The following SLC7A1 variants were observed in gnomAD, a reference collection of about 807,000 sequenced individuals.
SLC7A1 encodes the protein high affinity cationic amino acid transporter 1.
Under a neutral mutation model 53.9 loss-of-function variants are expected in SLC7A1, and 10 were observed. The ratio of observed to expected loss-of-function variants is 0.19; its 90% CI spans 0.11 to 0.31. The LOEUF (loss-of-function observed/expected upper bound fraction) is 0.31, where lower values mean the gene tolerates loss of function less well. Among genes scored for constraint, SLC7A1 ranks in the 10% least tolerant of loss-of-function variants. SLC7A1 has a pLI of 1.00. For synonymous variants in SLC7A1, 342 were observed against 338.7 expected, an observed-to-expected ratio of 1.01 and a Z score of -0.11; for missense variants, 525 against 827.2, an observed-to-expected ratio of 0.63 and a Z score of 4.48.
intron 11 of SLC7A1, chr13:29,516,766 C>G (rs1393000878): frequency 8.0e-5 from 15 of 188,184 alleles, no homozygotes; most frequent in Non-Finnish European, 4.3e-5. Flanking sequence ...TGAGCAGCAC[C>G]CTTGATACTG....
At chr13:29,526,602 C>T (rs1003498175) in intron 5 of SLC7A1, among the ~76,000 whole-genome samples, 15 of 152,210 alleles carry the variant, frequency 9.9e-5, no homozygotes, top group African/African-American at 3.1e-4. Flanking sequence ...CTGAAACCTC[C>T]ATTTCAGGGC....
chr13:29,525,469 A>G (rs1868841580), intron 5 of SLC7A1, among the ~76,000 whole-genome samples: 1 of 152,150 alleles, frequency 6.6e-6, no homozygotes, highest in Non-Finnish European at 1.5e-5. Context: ...TCCTATAAAC[A>G]CTGACATCCC....
At chr13:29,550,753 C>T (rs367572711) in intron 2 of SLC7A1, among the ~76,000 whole-genome samples, 34 of 151,260 alleles carry the variant, frequency 2.2e-4, no homozygotes, top group East Asian at 7.7e-4. Context: ...CAAGCATAGG[C>T]GCCAGCTGAG....
chr13:29,519,417 T>C lies in SLC7A1; in HGVS notation c.1292+30A>G, dbSNP rs757749162. The C allele has an allele frequency of 3.6e-5, 48 of 1,327,656 alleles. No homozygotes were observed. In the South Asian group the frequency reaches 5.6e-4, roughly 15 times the overall value. The allele number at this position is 1,327,656 out of a possible 1,614,324, so 82.2% of individuals were successfully genotyped here. ...AGGCTACCAGGTGCATCTGCATTTC[T>C]GTCATGAGACCCCCAAAAGCCATAC... On this transcript the variant is annotated intron_variant, in intron 9 of 12. Coordinates refer to ENST00000380752, the MANE Select transcript of SLC7A1 (RefSeq NM_003045.5).
intron 10 of SLC7A1, 82 bp from the exon 11 acceptor site, chr13:29,517,392 T>G: frequency 7.0e-7 from 1 of 1,431,152 alleles, no homozygotes. Context: ...TCCCCTAAAC[T>G]TGTGGAGAGA....
chr13:29,552,020 C>T (rs1346668426), intron 2 of SLC7A1, among the ~76,000 whole-genome samples: 1 of 152,158 alleles, frequency 6.6e-6, no homozygotes, highest in East Asian at 1.9e-4. Context: ...TCAAGGCAGG[C>T]TGCTCAAAGT....
intron 1 of SLC7A1, among the ~76,000 whole-genome samples, chr13:29,578,241 G>A (rs746113103): frequency 4.6e-5 from 7 of 152,048 alleles, no homozygotes; most frequent in South Asian, 4.2e-4. Flanking sequence ...ATTTCTGTCC[G>A]GAGAGCAGAT....
chr13:29,576,338 CTGCAGGTAGG>C (rs1871413469), intron 1 of SLC7A1, among the ~76,000 whole-genome samples: 1 of 140,446 alleles, frequency 7.1e-6, no homozygotes, highest in Admixed American at 6.9e-5. Flanking sequence ...TTAAAGCTTC[CTGCAGGTAGG>C]AAGAACCACA....
chr13:29,567,842 T>TG (rs930922144), intron 1 of SLC7A1, among the ~76,000 whole-genome samples: 2 of 152,018 alleles, frequency 1.3e-5, no homozygotes, highest in African/African-American at 4.8e-5. Flanking sequence ...TGGCCTCTTT[T>TG]TTTTTTGGAC....
chr13:29,550,199 C>T (rs1870108539), intron 2 of SLC7A1, among the ~76,000 whole-genome samples: 1 of 152,156 alleles, frequency 6.6e-6, no homozygotes, highest in African/African-American at 2.4e-5. Context: ...AGCCATTTAA[C>T]CCACCTCGCT....
intron 4 of SLC7A1, among the ~76,000 whole-genome samples, chr13:29,530,997 G>A (rs1020563557): frequency 6.6e-6 from 1 of 152,146 alleles, no homozygotes; most frequent in South Asian, 2.1e-4. Flanking sequence ...GAGAACTGCA[G>A]AGATCTGGAG....
chr13:29,530,748 T>G, intron 4 of SLC7A1, 36 bp from the exon 5 acceptor site: 2 of 1,586,406 alleles, frequency 1.3e-6, no homozygotes, highest in Non-Finnish European at 1.7e-6. Flanking sequence ...TTTGTCTGAG[T>G]GTTAACCACA....
chr13:29,574,211 G>C (rs562264343), intron 1 of SLC7A1, among the ~76,000 whole-genome samples: 115 of 152,330 alleles, frequency 7.5e-4, no homozygotes, highest in Admixed American at 9.8e-4. Context: ...GATGGTAAGA[G>C]TGTGACATTC....
At chr13:29,520,402 G>A (rs907124972) in intron 8 of SLC7A1, among the ~76,000 whole-genome samples, 1 of 152,176 alleles carries the variant, frequency 6.6e-6, no homozygotes, top group African/African-American at 2.4e-5. Flanking sequence ...AGGCAGGCGG[G>A]CAGGAGAGCA....
intron 1 of SLC7A1, among the ~76,000 whole-genome samples, chr13:29,555,896 C>T (rs1207370751): frequency 6.6e-6 from 1 of 152,108 alleles, no homozygotes; most frequent in Non-Finnish European, 1.5e-5. Context: ...GGAAGATCCA[C>T]GTAATTCAGT....
chr13:29,559,771 A>G (rs1350811493), intron 1 of SLC7A1, among the ~76,000 whole-genome samples: 1 of 150,358 alleles, frequency 6.7e-6, no homozygotes, highest in East Asian at 2.0e-4. Context: ...GCTGGAGTGC[A>G]GTGGCGCGAT....
intron 5 of SLC7A1, among the ~76,000 whole-genome samples, chr13:29,528,752 G>C (rs955834195): frequency 6.6e-6 from 1 of 152,234 alleles, no homozygotes. Context: ...CAGGGGGCTG[G>C]GCCCTGGCAG....
chr13:29,551,343 G>A (rs1441531729), intron 2 of SLC7A1, among the ~76,000 whole-genome samples: 2 of 152,206 alleles, frequency 1.3e-5, no homozygotes, highest in Admixed American at 6.5e-5. Context: ...CAAACAACAA[G>A]CGTGGCCAAG....
chr13:29,514,192 G>C lies in SLC7A1; in HGVS notation c.*288C>G, dbSNP rs1248353014. ...TGAGGCTGCGGCAGCTCGGGGCTGA[G>C]CTGGTAGGGGAGGAACTGCTTTGTT... On this transcript the variant is annotated 3_prime_UTR_variant, in exon 13 of 13. Coordinates refer to ENST00000380752, the MANE Select transcript of SLC7A1 (RefSeq NM_003045.5). The C allele has an allele frequency of 2.3e-6, 1 of 427,562 alleles. No homozygotes were observed. The highest frequency in any genetic ancestry group is 4.3e-6 in the Non-Finnish European group (1 of 234,990). The allele number at this position is 427,562 out of a possible 1,614,324, so 26.5% of individuals were successfully genotyped here.
Sources: gnomAD v4.1 joint callset for allele counts (sites outside exome capture counted in the v4.1 genomes callset) on GRCh38, gnomAD v4.1.1 for gene constraint, MANE v1.5 for transcripts, NCBI Gene and HGNC (gene_info 2026-07-23, HGNC 2026-07-21) for gene names.